RFX2: variants seen among roughly 807,000 people sequenced by gnomAD.
RFX2 encodes the protein regulatory factor X2.
RFX2 carries 20 observed loss-of-function variants against 87.8 expected under a neutral mutation model. The ratio of observed to expected loss-of-function variants is 0.23; its 90% CI spans 0.16 to 0.33. The LOEUF (loss-of-function observed/expected upper bound fraction) is 0.33, where lower values mean the gene tolerates loss of function less well. Among genes scored for constraint, RFX2 ranks in the 10% least tolerant of loss-of-function variants. The pLI, the probability that RFX2 is intolerant of heterozygous loss-of-function variation, is 1.00. For synonymous variants in RFX2, 397 were observed against 431.3 expected (o/e 0.92, Z 0.98); for missense variants, 767 against 1,012.3 (o/e 0.76, Z 3.29).
In RFX2 at chr19:6,042,130, C is replaced by G. The variant is rs758690114; in HGVS notation, c.181-7G>C. ...CGTGCTGCACCGGCTGCACCTGAAA[C>G]ATCGGATACGCTGCGTTACCGCCAG... On this transcript the variant is annotated splice_polypyrimidine_tract_variant and splice_region_variant and intron_variant, in intron 3 of 17. Coordinates refer to ENST00000303657, the MANE Select transcript of RFX2 (RefSeq NM_000635.4). 1.2e-6 allele frequency: 2 copies of G among 1,613,498 alleles called. No individual in the cohort carries two copies.
chr19:6,004,225 G>A lies in RFX2; in HGVS notation c.1476C>T (p.Phe492=), dbSNP rs538685191. The A allele has an allele frequency of 6.8e-5, 110 of 1,613,334 alleles. No individual in the cohort carries two copies. The African/African-American group carries it at 1.4e-3, about 20-fold the overall frequency. ...EGWLTNAMSD[F]PQQVIQTKVG... ...CCTTGGTCTGGATGACCTGTTGTGG[G>A]AAGTCACTCATGGCATTTGTCAACC... Residue 492 remains phenylalanine, a synonymous_variant, in exon 13 of 18, where the codon TTC becomes TTT. Transcript: ENST00000303657. The surrounding 1 kb of genome is among the most constrained non-coding windows in gnomAD (Gnocchi z 4.8).
chr19:6,060,712 C>T (rs1286739514), intron 1 of RFX2, among the ~76,000 whole-genome samples: 2 of 152,050 alleles, frequency 1.3e-5, no homozygotes, highest in Admixed American at 6.5e-5. Context: ...TGTCGCTCCT[C>T]GAAGCTCTGT....
intron 12 of RFX2, among the ~76,000 whole-genome samples, chr19:6,006,535 T>C (rs1222869964): frequency 2.1e-5 from 3 of 146,104 alleles, no homozygotes; most frequent in Non-Finnish European, 3.0e-5. Flanking sequence ...CTGCAACCTC[T>C]TCCTCCTGGG....
At position 6,008,145 on chromosome 19, in the gene RFX2, G is replaced by A. The variant is rs1215756408; in HGVS notation, c.1095C>T (p.Asp365=). 13 of 1,555,212 alleles carry A rather than the reference G, an allele frequency of 8.4e-6. 1 individual carries two copies. The East Asian group carries it at 1.2e-4, about 14-fold the overall frequency. Reference sequence around the variant, plus strand: ...TGTACACCAGCTGCAGGGCCTTGACGTCGTGCAGTGTGACGCCGTCCTGCA... The same window carrying A: ...TGTACACCAGCTGCAGGGCCTTGACATCGTGCAGTGTGACGCCGTCCTGCA... ...FLLQDGVTLH[D]VKALQLVYRR... The change falls in exon 10 of 18, where the codon GAC becomes GAT. Residue 365 remains aspartate (D), a synonymous_variant. Transcript: ENST00000303657.
intron 1 of RFX2, among the ~76,000 whole-genome samples, chr19:6,100,697 C>T (rs73549994): frequency 0.061 from 9,330 of 152,202 alleles, 870 homozygotes; most frequent in African/African-American, 0.2. Flanking sequence ...GCCGCTGCTA[C>T]TGACTCCACC....
intron 1 of RFX2, among the ~76,000 whole-genome samples, chr19:6,058,138 C>T (rs2087372513): frequency 6.6e-6 from 1 of 152,192 alleles, no homozygotes; most frequent in South Asian, 2.1e-4. Flanking sequence ...TGTGTGTCCC[C>T]ACTTGGCACT....
chr19:6,019,095 C>A (rs893644636), intron 6 of RFX2, among the ~76,000 whole-genome samples: 1 of 151,754 alleles, frequency 6.6e-6, no homozygotes, highest in Non-Finnish European at 1.5e-5. Context: ...TTAGCAGTTG[C>A]CATCGTTAGC....
At chr19:6,103,009 C>T (rs1294797605) in intron 1 of RFX2, among the ~76,000 whole-genome samples, 1 of 152,166 alleles carries the variant, frequency 6.6e-6, no homozygotes, top group African/African-American at 2.4e-5. Context: ...CAGACATATA[C>T]ACAAACACAT....
At chr19:6,062,952 G>C (rs979670715) in intron 1 of RFX2, among the ~76,000 whole-genome samples, 2 of 152,094 alleles carry the variant, frequency 1.3e-5, no homozygotes, top group African/African-American at 2.4e-5. Context: ...ATATCTGCTC[G>C]TCCTTTCCCT....
Position 6,010,032 on chromosome 19 carries a change from G to A in RFX2, c.1015+104C>T, listed in dbSNP as rs973722407. ...CGAAAAGGTGTCTCGTAAGAAAACT[G>A]TCGGAAGCAGACGCTTAGACACCAC... On this transcript the variant is annotated intron_variant, in intron 9 of 17. Coordinates refer to ENST00000303657, the MANE Select transcript of RFX2 (RefSeq NM_000635.4). This position sits in a 1 kb window ranked among gnomAD's most constrained non-coding sequence, Gnocchi z 5.0. 5.0e-6 allele frequency: 3 copies of A among 605,244 alleles called. No individual in the cohort carries two copies. Among genetic ancestry groups the A allele is most frequent in the Non-Finnish European group, 8.4e-6 (3 of 357,790 alleles). 37.5% of individuals were successfully genotyped at this position (605,244 alleles called of 1,614,324 possible). A position where few individuals can be genotyped will look rare whatever the true frequency, so the allele number is the denominator to read the frequency against.
At position 6,047,317 on chromosome 19, in the gene RFX2, C is replaced by T. The variant is rs1471741765; in HGVS notation, c.90+90G>A. ...AAGTCCATTCAGAAAAATACAGATTCCTCTCTTTGCAGATCTGAGCAGCTT... is the reference window on the plus strand; with the variant it reads ...AAGTCCATTCAGAAAAATACAGATTTCTCTCTTTGCAGATCTGAGCAGCTT... On this transcript the variant is annotated intron_variant, in intron 2 of 17. Coordinates refer to ENST00000303657, the MANE Select transcript of RFX2 (RefSeq NM_000635.4). This position sits in a 1 kb window ranked among gnomAD's most constrained non-coding sequence, Gnocchi z 4.2. The T allele has an allele frequency of 2.4e-5, 24 of 1,001,716 alleles. No individual in the cohort carries two copies. The highest frequency in any genetic ancestry group is 3.3e-5 in the Non-Finnish European group (23 of 688,862). 62.1% of individuals were successfully genotyped at this position (1,001,716 alleles called of 1,614,324 possible).
At chr19:6,098,727 G>C (rs73549991) in intron 1 of RFX2, among the ~76,000 whole-genome samples, 3,030 of 152,166 alleles carry the variant, frequency 0.02, 118 homozygotes, top group African/African-American at 0.07. Context: ...CAGATCCAGT[G>C]GTAGCAGATC....
intron 1 of RFX2, among the ~76,000 whole-genome samples, chr19:6,060,323 T>C (rs2087409821): frequency 6.6e-6 from 1 of 152,142 alleles, no homozygotes; most frequent in South Asian, 2.1e-4. Flanking sequence ...AGCAGAAGCC[T>C]AAAATATGTA....
chr19:6,069,282 C>A (rs1348944848), intron 1 of RFX2, among the ~76,000 whole-genome samples: 1 of 152,056 alleles, frequency 6.6e-6, no homozygotes, highest in Non-Finnish European at 1.5e-5. Flanking sequence ...GTATAGATAA[C>A]ATAGCTGGAA....
Position 5,994,698 on chromosome 19 carries a change from C to A in RFX2, c.*137G>T. The A allele has an allele frequency of 1.6e-6, 1 of 630,432 alleles. No homozygotes were observed. Among genetic ancestry groups the A allele is most frequent in the South Asian group, 1.9e-5 (1 of 53,212 alleles). The allele number at this position is 630,432 out of a possible 1,614,324, so 39.1% of individuals were successfully genotyped here. A position where few individuals can be genotyped will look rare whatever the true frequency, so the allele number is the denominator to read the frequency against. ...CTGCTTTCCTTCTTGAACACTGACC[C>A]CGGGAGCCCCCGCTTGAGTCAAAGT... On this transcript the variant is annotated 3_prime_UTR_variant, in exon 18 of 18. Coordinates refer to ENST00000303657, the MANE Select transcript of RFX2 (RefSeq NM_000635.4).
At chr19:6,094,721 T>G (rs192076111) in intron 1 of RFX2, among the ~76,000 whole-genome samples, 83 of 152,292 alleles carry the variant, frequency 5.5e-4, no homozygotes, top group Non-Finnish European at 6.3e-4. Context: ...ATGTGAAATA[T>G]CTCGACAATA....
chr19:6,039,993 G>T lies in RFX2; in HGVS notation c.509C>A (p.Ser170Ter). ...TRHSLAHTSR[S>*]SPATLEMAIE... The stretch of plus-strand genomic sequence containing the variant: ...CCTCCTACATACCGTGGCGGGCGAT[G>T]AGCGGGAGGTGTGGGCCAGGGAGTG... The change falls in exon 5 of 18, where the codon TCA becomes TAA. Residue 170 changes from serine to a stop codon, truncating the protein, a stop_gained. Transcript: ENST00000303657. LOFTEE classifies it high-confidence loss of function. This position sits in a 1 kb window ranked among gnomAD's most constrained non-coding sequence, Gnocchi z 5.2. 1 of 1,583,842 alleles carries T rather than the reference G, an allele frequency of 6.3e-7. No individual in the cohort carries two copies. The highest frequency in any genetic ancestry group is 1.1e-5 in the South Asian group (1 of 88,856).
Position 6,011,125 on chromosome 19 carries a change from T to A in RFX2, c.900-874A>T, listed in dbSNP as rs866334407. On this transcript the variant is annotated intron_variant, in intron 8 of 17. Transcript: ENST00000303657. The surrounding 1 kb of genome is among the most constrained non-coding windows in gnomAD (Gnocchi z 4.8). ...AAGCGAAACTCGGTCTCAAAAAAAATAAATAAATTAATTAAAATAAAATAA... is the reference window on the plus strand; with the variant it reads ...AAGCGAAACTCGGTCTCAAAAAAAAAAAATAAATTAATTAAAATAAAATAA... Among the ~76,000 whole-genome samples, 9 of 144,086 alleles carry A rather than the reference T, an allele frequency of 6.2e-5. No homozygotes were observed. Among genetic ancestry groups the A allele is most frequent in the South Asian group, 2.1e-4 (1 of 4,804 alleles). The allele number at this position is 144,086 out of a possible 152,430, so 94.5% of individuals were successfully genotyped here.
In RFX2 at chr19:6,039,939, C is replaced by A. The variant is rs1462110512; in HGVS notation, c.522+41G>T. On this transcript the variant is annotated intron_variant, in intron 5 of 17. Coordinates refer to ENST00000303657, the MANE Select transcript of RFX2 (RefSeq NM_000635.4). This position sits in a 1 kb window ranked among gnomAD's most constrained non-coding sequence, Gnocchi z 5.2. ...CCCTGCTGCCGCTGCTTCGAGAATA[C>A]TCATGGCCTACCCTGCTGGTCCCAA... 6.7e-7 allele frequency: 1 copy of A among 1,503,546 alleles called. No individual in the cohort carries two copies. Among genetic ancestry groups the A allele is most frequent in the African/African-American group, 1.4e-5 (1 of 72,246 alleles). The allele number at this position is 1,503,546 out of a possible 1,614,324, so 93.1% of individuals were successfully genotyped here.
Sources: allele counts gnomAD v4.1 joint callset (sites outside exome capture counted in the v4.1 genomes callset), GRCh38; gene constraint gnomAD v4.1.1; non-coding constraint Gnocchi (gnomAD v3.1); transcripts MANE v1.5; gene names NCBI Gene and HGNC (gene_info 2026-07-23, HGNC 2026-07-21).